Variants in LINGO2 observed in about 807,000 individuals in gnomAD.
LINGO2 encodes the protein leucine rich repeat and Ig domain containing 2, also known as leucine-rich repeat and immunoglobulin-like domain-containing nogo receptor-interacting protein 2.
A neutral mutation model predicts 30.6 loss-of-function variants in LINGO2; 14 were observed. The observed-to-expected ratio is 0.46, with a 90% CI of 0.30 to 0.72. The LOEUF is 0.72. LINGO2 is among the 30% of genes least tolerant of loss of function. LINGO2 has a pLI of 0.07. For missense variants in LINGO2, 729 were observed against 751.7 expected (o/e 0.97, Z 0.35); for synonymous variants, 317 against 288.5 (o/e 1.10, Z -1.00).
the LINGO2 span, among the ~76,000 whole-genome samples, chr9:28,763,789 GAA>G: frequency 6.6e-5 from 10 of 150,938 alleles, no homozygotes; most frequent in Non-Finnish European, 3.0e-5. Context: ...TTAATTAGAG[GAA>G]GAGAGAGAGA....
chr9:28,757,310 C>A, the LINGO2 span, among the ~76,000 whole-genome samples: 1 of 151,874 alleles, frequency 6.6e-6, no homozygotes, highest in Non-Finnish European at 1.5e-5. Flanking sequence ...ATTTTCAGAA[C>A]CTCTCATTGA....
intron 4 of LINGO2, among the ~76,000 whole-genome samples, chr9:28,235,389 C>T (rs1342785461): frequency 6.6e-6 from 1 of 152,104 alleles, no homozygotes; most frequent in Non-Finnish European, 1.5e-5. Flanking sequence ...CAAGCCCAGA[C>T]TATAAAGACT....
At chr9:28,321,540 T>G (rs557088862) in intron 3 of LINGO2, among the ~76,000 whole-genome samples, 2 of 152,258 alleles carry the variant, frequency 1.3e-5, no homozygotes, top group East Asian at 1.9e-4. Context: ...TGCAAGCAAT[T>G]GAAACTGTTA....
chr9:28,972,706 C>G, the LINGO2 span, among the ~76,000 whole-genome samples: 22 of 152,168 alleles, frequency 1.4e-4, no homozygotes, highest in Admixed American at 1.4e-3. Context: ...TAATGACCCA[C>G]AGTTCCACAT....
chr9:28,385,020 T>C (rs1176263639), intron 2 of LINGO2, among the ~76,000 whole-genome samples: 2 of 152,116 alleles, frequency 1.3e-5, no homozygotes, highest in Admixed American at 1.3e-4. Context: ...TCTCCTTTCA[T>C]TCAATTAATA....
At chr9:29,125,399 A>C in the LINGO2 span, among the ~76,000 whole-genome samples, 1 of 151,902 alleles carries the variant, frequency 6.6e-6, no homozygotes, top group Non-Finnish European at 1.5e-5. Flanking sequence ...CACGTTCTGC[A>C]CATGTATCCC....
chr9:29,028,778 A>C, the LINGO2 span, among the ~76,000 whole-genome samples: 1 of 152,156 alleles, frequency 6.6e-6, no homozygotes, highest in South Asian at 2.1e-4. Flanking sequence ...CAGCTATTCA[A>C]TAGGTAGACA....
chr9:28,466,112 G>C (rs1430938054), intron 2 of LINGO2, among the ~76,000 whole-genome samples: 3 of 151,982 alleles, frequency 2.0e-5, no homozygotes, highest in Non-Finnish European at 4.4e-5. Context: ...CCACTGCTAG[G>C]TAGATACTCC....
At chr9:28,476,899 C>T (rs1269022322) in intron 1 of LINGO2, among the ~76,000 whole-genome samples, 1 of 152,082 alleles carries the variant, frequency 6.6e-6, no homozygotes, top group East Asian at 1.9e-4. Context: ...CTGGAATCTG[C>T]TTTTGGAATT....
At chr9:28,408,676 C>T (rs6476066) in intron 2 of LINGO2, among the ~76,000 whole-genome samples, 11 of 144,374 alleles carry the variant, frequency 7.6e-5, no homozygotes, top group Non-Finnish European at 3.0e-5. Context: ...GCTAAATGAC[C>T]AGTTAATGGG....
At chr9:28,023,376 A>C (rs2383758) in intron 4 of LINGO2, among the ~76,000 whole-genome samples, 1 of 144,038 alleles carries the variant, frequency 6.9e-6, no homozygotes, top group Admixed American at 6.9e-5. Flanking sequence ...TAGAGGCTTC[A>C]AATTCCTGTA....
At chr9:28,199,092 G>A (rs1022167862) in intron 4 of LINGO2, among the ~76,000 whole-genome samples, 1 of 151,974 alleles carries the variant, frequency 6.6e-6, no homozygotes, top group African/African-American at 2.4e-5. Context: ...ACAATTCCCC[G>A]TAAATACATG....
rs150097865 is a variant in LINGO2, at chr9:28,435,849, G to C, written c.-279+40091C>G. Among the ~76,000 whole-genome samples the C allele has an allele frequency of 4.1e-3, 623 of 152,286 alleles. 6 individuals are homozygous for C. Among genetic ancestry groups the C allele is most frequent in the Non-Finnish European group, 7.3e-3 (499 of 68,020 alleles). On this transcript the variant is annotated intron_variant, in intron 2 of 5. Transcript: ENST00000379992. ...AAATCAATACAAAAGATAATAGAAT[G>C]AACAAAACTTGGAAAATTGTTGGAT...
At chr9:28,827,065 C>G in the LINGO2 span, among the ~76,000 whole-genome samples, 2 of 151,968 alleles carry the variant, frequency 1.3e-5, no homozygotes, top group African/African-American at 4.8e-5. Context: ...AGTTAATAGC[C>G]CATTAATACT....
the LINGO2 span, among the ~76,000 whole-genome samples, chr9:28,919,659 C>T: frequency 6.6e-6 from 1 of 152,142 alleles, no homozygotes; most frequent in East Asian, 1.9e-4. Flanking sequence ...TTCAGTAGTA[C>T]ACTGCAAAAG....
At chr9:27,984,419 G>T (rs545717960) in intron 5 of LINGO2, among the ~76,000 whole-genome samples, 1 of 151,928 alleles carries the variant, frequency 6.6e-6, no homozygotes, top group South Asian at 2.1e-4. Context: ...ATCAGCAAAT[G>T]GAATTGGGTC....
At chr9:27,960,092 CTTAA>C (rs1159432844) in intron 5 of LINGO2, among the ~76,000 whole-genome samples, 3 of 151,890 alleles carry the variant, frequency 2.0e-5, no homozygotes, top group Admixed American at 6.6e-5. Context: ...TGGTTCATTC[CTTAA>C]TTTTCAGAAA....
intron 1 of LINGO2, among the ~76,000 whole-genome samples, chr9:28,647,873 A>G (rs1293466974): frequency 1.4e-5 from 2 of 142,656 alleles, no homozygotes; most frequent in South Asian, 2.2e-4. Context: ...CTGTATGATG[A>G]TATTTCTTTT....
the LINGO2 span, among the ~76,000 whole-genome samples, chr9:29,081,262 C>G: frequency 0.2 from 29,965 of 151,954 alleles, 3,089 homozygotes; most frequent in African/African-American, 0.24. Context: ...CCTGGGACTG[C>G]AAGGCTGGTT....
Sources: allele counts gnomAD v4.1 joint callset (sites outside exome capture counted in the v4.1 genomes callset), GRCh38; gene constraint gnomAD v4.1.1; transcripts MANE v1.5; gene names NCBI Gene and HGNC (gene_info 2026-07-23, HGNC 2026-07-21).